The following HIBCH variants were observed in gnomAD, a reference collection of about 807,000 sequenced individuals.
HIBCH encodes the protein 3-hydroxyisobutyryl-CoA hydrolase, mitochondrial.
In HIBCH, 50 loss-of-function variants were observed where a neutral mutation model predicts 58.2. The ratio of observed to expected loss-of-function variants is 0.86; its 90% CI spans 0.68 to 1.09. The LOEUF is 1.09. Ranked by LOEUF, HIBCH falls within the 50% of genes least tolerant of loss-of-function variation. HIBCH has a pLI of 0.00. For missense variants in HIBCH, 450 were observed against 449.7 expected (o/e 1.00, Z -0.01); for synonymous variants, 151 against 146.9 (o/e 1.03, Z -0.20).
intron 11 of HIBCH, among the ~76,000 whole-genome samples, chr2:190,239,984 G>A (rs983003417): frequency 1.3e-5 from 2 of 152,134 alleles, no homozygotes; most frequent in Admixed American, 1.3e-4. Flanking sequence ...TCTCTGCCAG[G>A]TTTTGGTATC....
At position 190,224,138 on chromosome 2, in the gene HIBCH, C is replaced by T. The variant is rs186792290; in HGVS notation, c.892-11063G>A. Among the ~76,000 whole-genome samples the T allele has an allele frequency of 2.8e-3, 427 of 152,324 alleles. 4 individuals carry two copies. The highest frequency in any genetic ancestry group is 3.6e-3 in the Non-Finnish European group (246 of 68,030). On this transcript the variant is annotated intron_variant, in intron 11 of 13. Coordinates refer to ENST00000359678, the MANE Select transcript of HIBCH (RefSeq NM_014362.4). ...CACCTGGCTCAGAGGGTCCCATGCC[C>T]ACGGAGCCTCACTCACTGCTAGCAC...
intron 6 of HIBCH, among the ~76,000 whole-genome samples, chr2:190,267,678 A>G (rs1687280733): frequency 6.6e-6 from 1 of 152,254 alleles, no homozygotes; most frequent in South Asian, 2.1e-4. Flanking sequence ...AAGTATTTAT[A>G]AAGTATCTTT....
chr2:190,250,172 TC>T (rs1194800679), intron 8 of HIBCH: 1 of 337,820 alleles, frequency 3.0e-6, no homozygotes, highest in Non-Finnish European at 5.8e-6. Context: ...TTTTTACTGT[TC>T]CCAGAGCATA....
intron 5 of HIBCH, 69 bp from the exon 6 acceptor site, chr2:190,287,707 C>A (rs1687866333): frequency 6.1e-6 from 7 of 1,145,364 alleles, no homozygotes; most frequent in Admixed American, 3.7e-5. Flanking sequence ...TAAAAAAAAA[C>A]CCACATTATA....
At chr2:190,222,784 G>A (rs998205456) in intron 11 of HIBCH, among the ~76,000 whole-genome samples, 3 of 152,152 alleles carry the variant, frequency 2.0e-5, no homozygotes, top group African/African-American at 7.2e-5. Context: ...TATACCCAAA[G>A]GATTATAAAT....
intron 2 of HIBCH, among the ~76,000 whole-genome samples, chr2:190,310,497 C>G (rs1688529809): frequency 6.6e-6 from 1 of 152,076 alleles, no homozygotes; most frequent in Non-Finnish European, 1.5e-5. Context: ...TGTAAGAGAC[C>G]AAGTAATCCA....
chr2:190,281,310 A>G lies in HIBCH; in HGVS notation c.438+6276T>C, dbSNP rs1231763855. ...AATTAGCACCACATGGATGCCACCA[A>G]GGCTTATGGCTTATATCTTCTGGAG... On this transcript the variant is annotated intron_variant, in intron 6 of 13. Transcript: ENST00000359678. The surrounding 1 kb of genome is among the most constrained non-coding windows in gnomAD (Gnocchi z 5.4). Among the ~76,000 whole-genome samples, 1 of 152,150 alleles carries G rather than the reference A, an allele frequency of 6.6e-6. No individual in the cohort carries two copies. Among genetic ancestry groups the G allele is most frequent in the Admixed American group, 6.5e-5 (1 of 15,274 alleles).
intron 2 of HIBCH, among the ~76,000 whole-genome samples, chr2:190,308,209 T>C (rs1005031784): frequency 6.6e-6 from 1 of 152,200 alleles, no homozygotes; most frequent in Non-Finnish European, 1.5e-5. Context: ...CCTCATATGA[T>C]CTGGATTCTG....
intron 1 of HIBCH, among the ~76,000 whole-genome samples, chr2:190,311,683 T>C (rs1271468835): frequency 6.6e-6 from 1 of 152,108 alleles, no homozygotes; most frequent in African/African-American, 2.4e-5. Flanking sequence ...ATTTACAGGA[T>C]GGAAAAACTG....
intron 11 of HIBCH, among the ~76,000 whole-genome samples, chr2:190,239,920 G>C (rs542296432): frequency 1.8e-4 from 27 of 152,262 alleles, no homozygotes; most frequent in African/African-American, 6.3e-4. Flanking sequence ...AAAGTGCTGG[G>C]ATTACAGGCA....
At chr2:190,270,441 A>C (rs1197968968) in intron 6 of HIBCH, among the ~76,000 whole-genome samples, 1 of 152,226 alleles carries the variant, frequency 6.6e-6, no homozygotes, top group Non-Finnish European at 1.5e-5. Context: ...TGATAACCAC[A>C]GTAAAGAAGA....
At chr2:190,290,571 A>G in intron 4 of HIBCH, 86 bp from the exon 5 acceptor site, 1 of 888,164 alleles carries the variant, frequency 1.1e-6, no homozygotes, top group Non-Finnish European at 1.8e-6. Flanking sequence ...AAAATTAAAT[A>G]CTGGGGGAAG....
In HIBCH at chr2:190,306,144, C is replaced by T. The variant is rs973856821; in HGVS notation, c.78+4610G>A. 6.6e-6 allele frequency among the ~76,000 whole-genome samples: 1 copy of T among 152,080 alleles called. No homozygotes were observed. The highest frequency in any genetic ancestry group is 1.9e-4 in the East Asian group (1 of 5,176). ...ACAAAACACACACACAGACAACCAC[C>T]GAAAGTATAATATAGAACTTAGTCA... On this transcript the variant is annotated intron_variant, in intron 2 of 13. Transcript: ENST00000359678. The surrounding 1 kb of genome is among the most constrained non-coding windows in gnomAD (Gnocchi z 4.6).
intron 6 of HIBCH, among the ~76,000 whole-genome samples, chr2:190,267,842 A>AG (rs3838548): frequency 0.72 from 109,501 of 152,004 alleles, 39,963 homozygotes; most frequent in South Asian, 0.75. Flanking sequence ...CTCAGGAACT[A>AG]GATAGCCTAG....
At chr2:190,193,132 G>C (rs1019130746) in intron 1 of HIBCH, among the ~76,000 whole-genome samples, 1 of 151,978 alleles carries the variant, frequency 6.6e-6, no homozygotes, top group African/African-American at 2.4e-5. Context: ...TTTGAGGAAG[G>C]CCTTCCTATT....
At chr2:190,218,376 T>C (rs983521365) in intron 11 of HIBCH, among the ~76,000 whole-genome samples, 2 of 152,106 alleles carry the variant, frequency 1.3e-5, no homozygotes, top group Non-Finnish European at 2.9e-5. Flanking sequence ...TTAATTACCA[T>C]AAACAACCCA....
chr2:190,197,436 C>T lies in HIBCH; in HGVS notation c.*18-7439G>A, dbSNP rs192700672. 6.6e-6 allele frequency among the ~76,000 whole-genome samples: 1 copy of T among 152,282 alleles called. No homozygotes were observed. Among genetic ancestry groups the T allele is most frequent in the East Asian group, 1.9e-4 (1 of 5,182 alleles). ...ATCGTTTGCTAACACTTTGCAGATC[C>T]TTATCCTGGACATGCACATCCCAGT... On this transcript the variant is annotated intron_variant, in intron 1 of 1. Transcript: ENST00000399855. This position sits in a 1 kb window ranked among gnomAD's most constrained non-coding sequence, Gnocchi z 4.0.
chr2:190,274,328 A>G lies in HIBCH; in HGVS notation c.439-13094T>C, dbSNP rs569118428. 1.2e-4 allele frequency among the ~76,000 whole-genome samples: 18 copies of G among 152,382 alleles called. No individual in the cohort carries two copies. The South Asian group carries it at 3.7e-3, about 32-fold the overall frequency. On this transcript the variant is annotated intron_variant, in intron 6 of 13. Transcript: ENST00000359678. Reference sequence around the variant, plus strand: ...CACTGTTCATTCTTTTTATGAAAATAAGAACATGTCTTCAATGACATTAAT... The same window carrying G: ...CACTGTTCATTCTTTTTATGAAAATGAGAACATGTCTTCAATGACATTAAT...
At chr2:190,198,631 CAAAAAAAAAAAA>C (rs35125102) in intron 1 of HIBCH, among the ~76,000 whole-genome samples, 7 of 70,590 alleles carry the variant, frequency 9.9e-5, no homozygotes, top group South Asian at 1.3e-3. Flanking sequence ...GACCCTGTCT[CAAAAAAAAAAAA>C]AAAAAAAAAA....
Sources: allele counts gnomAD v4.1 joint callset (sites outside exome capture counted in the v4.1 genomes callset), GRCh38; gene constraint gnomAD v4.1.1; non-coding constraint Gnocchi (gnomAD v3.1); transcripts MANE v1.5; gene names NCBI Gene and HGNC (gene_info 2026-07-23, HGNC 2026-07-21).